Variants in CSMD1 observed in about 807,000 individuals in gnomAD.
The protein encoded by CSMD1 is CUB and Sushi multiple domains 1.
CSMD1 carries 213 observed loss-of-function variants against 417.5 expected under a neutral mutation model. The observed-to-expected ratio is 0.51, with a 90% CI of 0.46 to 0.57. The LOEUF (loss-of-function observed/expected upper bound fraction) is 0.57. Among genes scored for constraint, CSMD1 ranks in the 20% least tolerant of loss-of-function variants. The pLI is 0.00. For synonymous variants in CSMD1, 2,862 were observed against 1,736.8 expected, an observed-to-expected ratio of 1.65 and a Z score of -16.11; for missense variants, 6,923 against 4,529.7, an observed-to-expected ratio of 1.53 and a Z score of -15.17.
At chr8:4,027,196 G>A (rs887339471) in intron 4 of CSMD1, among the ~76,000 whole-genome samples, 3 of 152,156 alleles carry the variant, frequency 2.0e-5, no homozygotes, top group Non-Finnish European at 4.4e-5. Context: ...CATATAGGAA[G>A]CCCTGTTGAA....
At chr8:3,859,191 T>G (rs374999209) in intron 5 of CSMD1, among the ~76,000 whole-genome samples, 5 of 152,310 alleles carry the variant, frequency 3.3e-5, no homozygotes, top group African/African-American at 1.2e-4. Context: ...TCTAAATATG[T>G]GCGTAGCAGA....
chr8:3,229,605 T>C (rs1429127729), intron 27 of CSMD1, among the ~76,000 whole-genome samples: 1 of 152,202 alleles, frequency 6.6e-6, no homozygotes, highest in Non-Finnish European at 1.5e-5. Context: ...TTCAGAATTC[T>C]ATTTTAAATG....
At chr8:3,683,019 G>A (rs1485745150) in intron 7 of CSMD1, among the ~76,000 whole-genome samples, 1 of 152,020 alleles carries the variant, frequency 6.6e-6, no homozygotes, top group Non-Finnish European at 1.5e-5. Flanking sequence ...ACACAGGAAG[G>A]GGAACATCAC....
At chr8:4,655,965 G>C (rs1585401759) in intron 1 of CSMD1, among the ~76,000 whole-genome samples, 1 of 152,262 alleles carries the variant, frequency 6.6e-6, no homozygotes, top group African/African-American at 2.4e-5. Context: ...GGAGTTCCAT[G>C]TTAGTGCAGA....
chr8:4,252,771 C>A (rs1427273621), intron 3 of CSMD1, among the ~76,000 whole-genome samples: 1 of 152,232 alleles, frequency 6.6e-6, no homozygotes, highest in Non-Finnish European at 1.5e-5. Flanking sequence ...GGCAGACATA[C>A]ACCACTGACA....
In CSMD1 at chr8:2,935,815, T is replaced by C. The variant is rs953098382; in HGVS notation, c.*2770A>G. ...CCCTTTTTATAATAGCTTTTTGTTG[T>C]TGTTTACAAAATATTTTACAGAAGA... On this transcript the variant is annotated 3_prime_UTR_variant, in exon 70 of 70. Transcript: ENST00000635120. 5.3e-5 allele frequency: 8 copies of C among 152,238 alleles called. No homozygotes were observed. Among genetic ancestry groups the C allele is most frequent in the South Asian group, 2.1e-4 (1 of 4,836 alleles). 9.4% of individuals were successfully genotyped at this position (152,238 alleles called of 1,614,324 possible). A position where few individuals can be genotyped will look rare whatever the true frequency, so the allele number is the denominator to read the frequency against.
intron 3 of CSMD1, among the ~76,000 whole-genome samples, chr8:4,342,284 C>G: frequency 6.7e-6 from 1 of 148,350 alleles, no homozygotes; most frequent in East Asian, 1.9e-4. Flanking sequence ...GATATTTAAA[C>G]CACAAGCCAA....
intron 7 of CSMD1, among the ~76,000 whole-genome samples, chr8:3,696,433 T>A: frequency 6.6e-6 from 1 of 152,236 alleles, no homozygotes; most frequent in East Asian, 1.9e-4. Flanking sequence ...TAAGCTACCA[T>A]GGACTGCTTC....
At chr8:3,183,944 C>T (rs189672360) in intron 36 of CSMD1, among the ~76,000 whole-genome samples, 2 of 152,268 alleles carry the variant, frequency 1.3e-5, no homozygotes, top group Admixed American at 1.3e-4. Flanking sequence ...CTGATCTTTT[C>T]CTAATTCAAT....
chr8:3,434,124 G>T (rs1322307890), intron 12 of CSMD1, among the ~76,000 whole-genome samples: 1 of 152,156 alleles, frequency 6.6e-6, no homozygotes, highest in African/African-American at 2.4e-5. Flanking sequence ...AATTATATAA[G>T]AATACCTTTG....
chr8:4,568,988 G>A (rs1234704069), intron 2 of CSMD1, among the ~76,000 whole-genome samples: 1 of 151,992 alleles, frequency 6.6e-6, no homozygotes, highest in African/African-American at 2.4e-5. Context: ...ATTTGTTTAA[G>A]TTCCTTATAA....
intron 1 of CSMD1, among the ~76,000 whole-genome samples, chr8:4,962,733 G>C (rs940405040): frequency 8.5e-5 from 13 of 152,180 alleles, no homozygotes; most frequent in African/African-American, 2.9e-4. Context: ...AACGGCAGGA[G>C]AAGCCAGTCT....
intron 8 of CSMD1, among the ~76,000 whole-genome samples, chr8:3,605,045 A>G (rs1279426165): frequency 6.6e-6 from 1 of 152,218 alleles, no homozygotes; most frequent in African/African-American, 2.4e-5. Context: ...TCACTGCTGG[A>G]GTGCAGTGGT....
At chr8:4,015,243 G>A (rs924012883) in intron 4 of CSMD1, among the ~76,000 whole-genome samples, 7 of 152,102 alleles carry the variant, frequency 4.6e-5, no homozygotes, top group South Asian at 2.1e-4. Context: ...CAATGTTACC[G>A]CTGAAACATA....
At chr8:4,184,647 C>G (rs1320128004) in intron 3 of CSMD1, among the ~76,000 whole-genome samples, 4 of 151,872 alleles carry the variant, frequency 2.6e-5, no homozygotes, top group East Asian at 1.9e-4. Context: ...TAAGTTGGAG[C>G]TAAAGGAAGA....
chr8:4,712,104 A>G lies in CSMD1; in HGVS notation c.86-74546T>C, dbSNP rs368641990. Among the ~76,000 whole-genome samples the G allele has an allele frequency of 2.0e-5, 3 of 152,202 alleles. No individual in the cohort carries two copies. The East Asian group carries it at 5.8e-4, about 29-fold the overall frequency. ...AGAAGAAATTAGGCAATGCCCCTGG[A>G]AGTCAATCAATGGGACTGACCGTGG... On this transcript the variant is annotated intron_variant, in intron 1 of 69. Transcript: ENST00000635120.
intron 5 of CSMD1, among the ~76,000 whole-genome samples, chr8:3,896,176 A>C (rs966077799): frequency 6.6e-6 from 1 of 152,204 alleles, no homozygotes; most frequent in African/African-American, 2.4e-5. Flanking sequence ...GACACAACAA[A>C]AACATGATCT....
chr8:4,609,214 A>C (rs920651879), intron 2 of CSMD1, among the ~76,000 whole-genome samples: 1 of 152,174 alleles, frequency 6.6e-6, no homozygotes, highest in Non-Finnish European at 1.5e-5. Context: ...AGCCTGGACA[A>C]GATGGTGAAA....
At chr8:4,591,779 T>C (rs539151131) in intron 2 of CSMD1, among the ~76,000 whole-genome samples, 1 of 152,102 alleles carries the variant, frequency 6.6e-6, no homozygotes, top group Non-Finnish European at 1.5e-5. Flanking sequence ...CTTAGCGTAT[T>C]GAGGGGAATG....
Sources: allele counts gnomAD v4.1 joint callset (sites outside exome capture counted in the v4.1 genomes callset), GRCh38; gene constraint gnomAD v4.1.1; transcripts MANE v1.5; gene names NCBI Gene and HGNC (gene_info 2026-07-23, HGNC 2026-07-21).